The following ACOT12 variants were observed in gnomAD, a reference collection of about 807,000 sequenced individuals.
ACOT12 encodes the protein acetyl-coenzyme A thioesterase.
Under a neutral mutation model 67.7 loss-of-function variants are expected in ACOT12, and 51 were observed. The ratio of observed to expected loss-of-function variants is 0.75; its 90% CI spans 0.60 to 0.95. ACOT12 has a LOEUF of 0.95. Ranked by LOEUF, ACOT12 falls within the 40% of genes least tolerant of loss-of-function variation. ACOT12 has a pLI of 0.00. For synonymous variants in ACOT12, 251 were observed against 244.6 expected (o/e 1.03, Z -0.24); for missense variants, 734 against 708.1 (o/e 1.04, Z -0.41).
chr5:81,317,830 C>T, the ACOT12 span, among the ~76,000 whole-genome samples: 1 of 152,014 alleles, frequency 6.6e-6, no homozygotes, highest in Non-Finnish European at 1.5e-5. Context: ...AACCATATCA[C>T]CAAGGTCTGG....
rs780095623 is a variant in ACOT12 at position 81,359,960 on chromosome 5, G to A, written c.439C>T (p.Arg147Ter). ...HNLAAERRKV[R>*]LQHEDTFNNL... ...TTAAAGGTATCTTCATGTTGTAATC[G>A]AACTTTCCTTCTCTCAGCAGCCAGA... Residue 147 changes from arginine to a stop codon, truncating the protein, a stop_gained, in exon 5 of 15, where the codon CGA becomes TGA. Transcript: ENST00000307624. LOFTEE classifies it high-confidence loss of function. 2.3e-5 allele frequency: 37 copies of A among 1,612,082 alleles called. No homozygotes were observed. The Middle Eastern group carries it at 2.1e-3, about 93-fold the overall frequency.
chr5:81,356,164 T>C (rs1759706545), intron 5 of ACOT12, among the ~76,000 whole-genome samples: 1 of 152,212 alleles, frequency 6.6e-6, no homozygotes, highest in African/African-American at 2.4e-5. Context: ...CATCCCATTA[T>C]TCCTCTAAGT....
chr5:81,384,893 C>T (rs555847183), intron 2 of ACOT12, among the ~76,000 whole-genome samples: 8 of 152,254 alleles, frequency 5.3e-5, no homozygotes, highest in African/African-American at 1.7e-4. Context: ...GTACTATCCT[C>T]TCTTGTTTTA....
chr5:81,330,543 C>A lies in ACOT12; in HGVS notation c.1519G>T (p.Val507Leu), dbSNP rs766326711. The change falls in exon 15 of 15, where the codon GTA becomes TTA. Residue 507 changes from valine to leucine, a missense_variant and splice_region_variant. Coordinates refer to ENST00000307624, the MANE Select transcript of ACOT12 (RefSeq NM_130767.3). ...IHAIDSNSCIVSYFNHMSASI... is the reference protein window; with the variant it reads ...IHAIDSNSCILSYFNHMSASI... The stretch of plus-strand genomic sequence containing the variant: ...GCAGACATATGGTTAAAGTAAGATA[C>A]CTGTTTCAAAAAGAAAGTACAATAT... 6 of 1,611,684 alleles carry A rather than the reference C, an allele frequency of 3.7e-6. No individual in the cohort carries two copies.
At position 81,347,820 on chromosome 5, in the gene ACOT12, C is replaced by T; in HGVS notation, c.607G>A (p.Gly203Ser). ...GTCTCCATCCACGCCATAATCTGGC[C>T]ACCAAATGTATTTCCGTGATGGTTT... ...HANHHGNTFG[G>S]QIMAWMETVA... Residue 203 changes from glycine to serine, a missense_variant, in exon 6 of 15, where the codon GGC (glycine) becomes AGC (serine). By Grantham distance (56) the Gly-to-Ser change is moderately conservative. Coordinates refer to ENST00000307624, the MANE Select transcript of ACOT12 (RefSeq NM_130767.3). 1 of 1,614,170 alleles carries T rather than the reference C, an allele frequency of 6.2e-7. No individual in the cohort carries two copies. The highest frequency in any genetic ancestry group is 2.2e-5 in the East Asian group (1 of 44,884).
At chr5:81,379,535 G>A (rs865824252) in intron 2 of ACOT12, among the ~76,000 whole-genome samples, 2 of 151,748 alleles carry the variant, frequency 1.3e-5, no homozygotes, top group Non-Finnish European at 2.9e-5. Context: ...CTAACAACAC[G>A]TCATTCACTG....
At chr5:81,358,803 T>G (rs1330421085) in intron 5 of ACOT12, among the ~76,000 whole-genome samples, 1 of 151,864 alleles carries the variant, frequency 6.6e-6, no homozygotes, top group East Asian at 1.9e-4. Flanking sequence ...GAGCCGAGTT[T>G]GCACCATTGC....
At chr5:81,363,060 C>T (rs1475155813) in intron 4 of ACOT12, among the ~76,000 whole-genome samples, 1 of 152,112 alleles carries the variant, frequency 6.6e-6, no homozygotes, top group East Asian at 1.9e-4. Flanking sequence ...GGAGAAGCCA[C>T]TGTGTCTAGC....
chr5:81,323,943 T>G, the ACOT12 span, among the ~76,000 whole-genome samples: 1 of 148,572 alleles, frequency 6.7e-6, no homozygotes, highest in African/African-American at 2.5e-5. Context: ...TATATGTGTA[T>G]ATATATATAT....
the ACOT12 span, chr5:81,308,992 C>T: frequency 2.5e-6 from 4 of 1,613,186 alleles, no homozygotes; most frequent in South Asian, 4.4e-5. Flanking sequence ...AAATGGGGCA[C>T]CTGTCTAGAT....
At chr5:81,310,157 TAAAAA>T in the ACOT12 span, among the ~76,000 whole-genome samples, 13 of 104,772 alleles carry the variant, frequency 1.2e-4, no homozygotes, top group South Asian at 3.2e-4. Context: ...TGACTAGCTG[TAAAAA>T]AAAAAAAAAA....
intron 5 of ACOT12, among the ~76,000 whole-genome samples, chr5:81,355,320 C>A (rs1271322496): frequency 6.6e-6 from 1 of 152,160 alleles, no homozygotes; most frequent in Non-Finnish European, 1.5e-5. Flanking sequence ...CTTGCTTCGG[C>A]AAGCTGAGAA....
intron 1 of ACOT12, among the ~76,000 whole-genome samples, chr5:81,387,614 C>T (rs532962565): frequency 6.6e-6 from 1 of 150,606 alleles, no homozygotes; most frequent in South Asian, 2.1e-4. Flanking sequence ...CTCACTCCAG[C>T]GTCGAACTCC....
At chr5:81,371,453 A>C (rs975987276) in intron 3 of ACOT12, among the ~76,000 whole-genome samples, 1 of 151,700 alleles carries the variant, frequency 6.6e-6, no homozygotes, top group African/African-American at 2.4e-5. Context: ...GGGTCTTGCT[A>C]TCTTGCCCAG....
chr5:81,392,750 TAAA>T (rs34394766), intron 1 of ACOT12, among the ~76,000 whole-genome samples: 2 of 147,902 alleles, frequency 1.4e-5, no homozygotes, highest in Non-Finnish European at 1.5e-5. Flanking sequence ...CAAATCCTGT[TAAA>T]AAAAAAAAAG....
intron 1 of ACOT12, among the ~76,000 whole-genome samples, chr5:81,392,583 G>A (rs1229112027): frequency 1.3e-5 from 2 of 152,126 alleles, no homozygotes; most frequent in African/African-American, 2.4e-5. Context: ...ACTAAGCAAG[G>A]TAACTAAAAG....
intron 2 of ACOT12, among the ~76,000 whole-genome samples, chr5:81,383,735 TAA>T (rs976624793): frequency 7.3e-6 from 1 of 136,374 alleles, no homozygotes; most frequent in Admixed American, 7.3e-5. Context: ...GTTTAAAAGG[TAA>T]AAAAAAAAAA....
chr5:81,342,608 A>T, intron 11 of ACOT12, 64 bp downstream of exon 11: 2 of 1,528,234 alleles, frequency 1.3e-6, no homozygotes, highest in Non-Finnish European at 1.8e-6. Context: ...CAGTAGAACC[A>T]CCACCACCAC....
In ACOT12 at chr5:81,330,328, G is replaced by T; in HGVS notation, c.*66C>A. The T allele has an allele frequency of 6.6e-7, 1 of 1,516,188 alleles. No homozygotes were observed. Among genetic ancestry groups the T allele is most frequent in the Non-Finnish European group, 8.9e-7 (1 of 1,124,322 alleles). 93.9% of individuals were successfully genotyped at this position (1,516,188 alleles called of 1,614,324 possible). A position where few individuals can be genotyped will look rare whatever the true frequency, so the allele number is the denominator to read the frequency against. On this transcript the variant is annotated 3_prime_UTR_variant, in exon 15 of 15. Coordinates refer to ENST00000307624, the MANE Select transcript of ACOT12 (RefSeq NM_130767.3). Reference sequence around the variant, plus strand: ...TTTGTGGCCCCAAAGCTTGACAGATGTCAGGGCTAAGGGTGCTTGGAATTA... The same window carrying T: ...TTTGTGGCCCCAAAGCTTGACAGATTTCAGGGCTAAGGGTGCTTGGAATTA...
Sources: gnomAD v4.1 joint callset for allele counts (sites outside exome capture counted in the v4.1 genomes callset) on GRCh38, gnomAD v4.1.1 for gene constraint, MANE v1.5 for transcripts, NCBI Gene and HGNC (gene_info 2026-07-23, HGNC 2026-07-21) for gene names.